B4GALT3: variants seen among roughly 807,000 people sequenced by gnomAD.
The protein encoded by B4GALT3 is N-acetyllactosamine synthase.
In B4GALT3, 29 loss-of-function variants were observed where a neutral mutation model predicts 40.7. The observed-to-expected ratio is 0.71, with a 90% CI of 0.53 to 0.97. B4GALT3 has a LOEUF of 0.97. Ranked by LOEUF, B4GALT3 falls within the 50% of genes least tolerant of loss-of-function variation. The pLI, the probability that B4GALT3 is intolerant of heterozygous loss-of-function variation, is 0.00. For synonymous variants in B4GALT3, 182 were observed against 203.9 expected (o/e 0.89, Z 0.92); for missense variants, 390 against 522.3 (o/e 0.75, Z 2.47).
Position 161,176,091 on chromosome 1 carries a change from G to T in B4GALT3, c.-14-17C>A. On this transcript the variant is annotated splice_polypyrimidine_tract_variant and intron_variant, in intron 2 of 7. Transcript: ENST00000319769. ...GGGTGAGATCTAGGGAGGGAGAGGG[G>T]AATTCTGGGGGTAGGCAGGAAGAGA... 6.2e-7 allele frequency: 1 copy of T among 1,610,820 alleles called. No homozygotes were observed. The highest frequency in any genetic ancestry group is 8.5e-7 in the Non-Finnish European group (1 of 1,177,642).
chr1:161,173,915 C>A lies in B4GALT3; in HGVS notation c.624G>T (p.Val208=). Residue 208 remains valine, a synonymous_variant, in exon 5 of 8, where the codon GTG becomes GTT. Transcript: ENST00000319769. ...CATGGCGGGGTCCCCGGGGGTCACA[C>A]ACATACAGATTGTGGTCATTTTCTG... The part of the protein sequence containing the change: ...LLPENDHNLY[V]CDPRGPRHVA... The A allele has an allele frequency of 6.2e-7, 1 of 1,614,196 alleles. No individual in the cohort carries two copies. The highest frequency in any genetic ancestry group is 8.5e-7 in the Non-Finnish European group (1 of 1,180,040).
Position 161,171,425 on chromosome 1 carries a change from AC to A in B4GALT3, c.*390del, listed in dbSNP as rs1025382633. Reference sequence around the variant, plus strand: ...AAATGCCCAGGGAGGGGCTTCCTTCACCAAACAACTTCCCGGGAACCATAAA... The same window carrying A: ...AAATGCCCAGGGAGGGGCTTCCTTCACAAACAACTTCCCGGGAACCATAAA... On this transcript the variant is annotated 3_prime_UTR_variant, in exon 8 of 8. Coordinates refer to ENST00000319769, the MANE Select transcript of B4GALT3 (RefSeq NM_003779.4). 3.1e-6 allele frequency: 2 copies of A among 641,292 alleles called. No homozygotes were observed. The highest frequency in any genetic ancestry group is 3.7e-5 in the African/African-American group (2 of 54,566). 39.7% of individuals were successfully genotyped at this position (641,292 alleles called of 1,614,324 possible).
intron 2 of B4GALT3, 144 bp from the exon 3 acceptor site, chr1:161,176,218 A>T: frequency 1.1e-6 from 1 of 885,852 alleles, no homozygotes; most frequent in Non-Finnish European, 1.7e-6. Context: ...ACAGGTGCAC[A>T]GTCACGCAAG....
At chr1:161,177,639 T>C (rs151221662), upstream of B4GALT3, 1 of 157,444 alleles carries the variant, frequency 6.4e-6, no homozygotes, top group Non-Finnish European at 1.4e-5. Context: ...TGGAACGCGT[T>C]GTAGGCGACC....
In B4GALT3 at chr1:161,176,559, C is replaced by A; in HGVS notation, c.-140G>T. 3 of 479,340 alleles carry A rather than the reference C, an allele frequency of 6.3e-6. No homozygotes were observed. Among genetic ancestry groups the A allele is most frequent in the Non-Finnish European group, 3.8e-6 (1 of 265,100 alleles). 29.7% of individuals were successfully genotyped at this position (479,340 alleles called of 1,614,324 possible). A position where few individuals can be genotyped will look rare whatever the true frequency, so the allele number is the denominator to read the frequency against. On this transcript the variant is annotated 5_prime_UTR_variant, in exon 2 of 8. Transcript: ENST00000319769. Reference sequence around the variant, plus strand: ...CAGAGAAAGGCTCCATCCAGCACTCCAGCAGCGAATCTGGGACCAGCTGGA... The same window carrying A: ...CAGAGAAAGGCTCCATCCAGCACTCAAGCAGCGAATCTGGGACCAGCTGGA...
intron 3 of B4GALT3, 80 bp downstream of exon 3, chr1:161,175,728 C>T: frequency 6.4e-7 from 1 of 1,564,014 alleles, no homozygotes; most frequent in Non-Finnish European, 8.7e-7. Flanking sequence ...ACTTCTGCCA[C>T]TCCATGCCTC....
intron 2 of B4GALT3, 35 bp from the exon 3 acceptor site, chr1:161,176,109 G>A (rs113495780): frequency 4.4e-6 from 7 of 1,607,244 alleles, no homozygotes; most frequent in African/African-American, 4.0e-5. Context: ...GGGGTAGGCA[G>A]GAAGAGAGCA....
At chr1:161,174,639 A>G (rs1002378203) in intron 4 of B4GALT3, among the ~76,000 whole-genome samples, 2 of 152,188 alleles carry the variant, frequency 1.3e-5, no homozygotes, top group Admixed American at 1.3e-4. Flanking sequence ...TATATTAGTT[A>G]TCTTATGCTC....
chr1:161,177,324 T>C (rs1664000846), intron 1 of B4GALT3, 99 bp downstream of exon 1: 1 of 528,524 alleles, frequency 1.9e-6, no homozygotes, highest in East Asian at 3.3e-5. Flanking sequence ...CCGTCCCTGC[T>C]CAGGCTCGTC....
Position 161,176,024 on chromosome 1 carries a change from C to A in B4GALT3, c.37G>T (p.Ala13Ser). The change falls in exon 3 of 8, where the codon GCC (alanine) becomes TCC (serine). Residue 13 changes from alanine to serine, a missense_variant. Physicochemically the swap from Ala to Ser is moderately conservative, Grantham distance 99. Around this residue, in one of 3 missense-constraint regions of B4GALT3, gnomAD observed 183 missense variants for 223.2 expected, o/e 0.82. Transcript: ENST00000319769. ...RRLLERPCTL[A>S]LLVGSQLAVM... ...GCCAGCTGGGAGCCCACAAGCAGGG[C>A]CAGCGTGCAAGGCCGCTCCAGCAGC... is the stretch of plus-strand genomic sequence containing the variant. The A allele has an allele frequency of 2.5e-6, 4 of 1,614,132 alleles. No individual in the cohort carries two copies. Among genetic ancestry groups the A allele is most frequent in the Non-Finnish European group, 3.4e-6 (4 of 1,180,026 alleles).
rs1661379690 is a variant in B4GALT3, at chr1:161,171,391, A to T, written c.*425T>A. Reference sequence around the variant, plus strand: ...GACCAGAAGAGGGAGCTATTCCAGCATAGGCAGAAAATGCCCAGGGAGGGG... The same window carrying T: ...GACCAGAAGAGGGAGCTATTCCAGCTTAGGCAGAAAATGCCCAGGGAGGGG... On this transcript the variant is annotated 3_prime_UTR_variant, in exon 8 of 8. Coordinates refer to ENST00000319769, the MANE Select transcript of B4GALT3 (RefSeq NM_003779.4). 2.5e-6 allele frequency: 2 copies of T among 811,378 alleles called. No homozygotes were observed. Among genetic ancestry groups the T allele is most frequent in the Non-Finnish European group, 3.8e-6 (2 of 523,926 alleles). The allele number at this position is 811,378 out of a possible 1,614,324, so 50.3% of individuals were successfully genotyped here.
intron 4 of B4GALT3, among the ~76,000 whole-genome samples, 172 bp from the exon 5 acceptor site, chr1:161,174,221 C>T (rs111611535): frequency 1.1e-3 from 174 of 152,208 alleles, no homozygotes; most frequent in African/African-American, 4.0e-3. Flanking sequence ...CCCTGGCTAA[C>T]ACGGTAAAAC....
Position 161,173,917 on chromosome 1 carries a change from C to T in B4GALT3, c.622G>A (p.Val208Met). The change falls in exon 5 of 8, where the codon GTG becomes ATG. Residue 208 changes from valine (V) to methionine (M), a missense_variant. Val to Met is a conservative substitution (Grantham distance 21). Transcript: ENST00000319769. The stretch of plus-strand genomic sequence containing the variant: ...TGGCGGGGTCCCCGGGGGTCACACA[C>T]ATACAGATTGTGGTCATTTTCTGGC... The part of the protein sequence containing the change: ...LLPENDHNLY[V>M]CDPRGPRHVA... The T allele has an allele frequency of 1.9e-6, 3 of 1,614,202 alleles. No homozygotes were observed. Among genetic ancestry groups the T allele is most frequent in the Non-Finnish European group, 2.5e-6 (3 of 1,180,036 alleles).
At chr1:161,176,811 G>A (rs999251836) in intron 1 of B4GALT3, 80 of 1,514,336 alleles carry the variant, frequency 5.3e-5, no homozygotes, top group Non-Finnish European at 7.1e-5. Context: ...TTGGGGAGTG[G>A]GGACAGGACA....
At position 161,171,681 on chromosome 1, in the gene B4GALT3, A is replaced by G. The variant is rs1661482630; in HGVS notation, c.*135T>C. 3 of 1,273,562 alleles carry G rather than the reference A, an allele frequency of 2.4e-6. No homozygotes were observed. The highest frequency in any genetic ancestry group is 2.2e-6 in the Non-Finnish European group (2 of 927,290). The allele number at this position is 1,273,562 out of a possible 1,614,324, so 78.9% of individuals were successfully genotyped here. ...CCCAGCTCCAGTCCAGCAGTGAGGGAGAGGCCCCTACCCCCTAGCACGGCA... is the reference window on the plus strand; with the variant it reads ...CCCAGCTCCAGTCCAGCAGTGAGGGGGAGGCCCCTACCCCCTAGCACGGCA... On this transcript the variant is annotated 3_prime_UTR_variant, in exon 8 of 8. Coordinates refer to ENST00000319769, the MANE Select transcript of B4GALT3 (RefSeq NM_003779.4).
rs375154840 is a variant in B4GALT3, at chr1:161,177,141, G to C, written c.-161+282C>G. ...AAGGGAGAGGGAGAGCAGGGGCAGA[G>C]ACAGTCAGGGGTGGCTGGAAGGGCT... On this transcript the variant is annotated intron_variant, in intron 1 of 7. Coordinates refer to ENST00000319769, the MANE Select transcript of B4GALT3 (RefSeq NM_003779.4). 2.8e-4 allele frequency: 406 copies of C among 1,456,258 alleles called. 5 individuals carry two copies. The South Asian group carries it at 4.8e-3, about 17-fold the overall frequency. 90.2% of individuals were successfully genotyped at this position (1,456,258 alleles called of 1,614,324 possible). A position where few individuals can be genotyped will look rare whatever the true frequency, so the allele number is the denominator to read the frequency against.
intron 2 of B4GALT3, 166 bp from the exon 3 acceptor site, chr1:161,176,240 T>TA (rs1174522979): frequency 2.7e-6 from 2 of 731,388 alleles, no homozygotes; most frequent in Non-Finnish European, 4.4e-6. Context: ...AAACAGAATG[T>TA]AACCACCAGT....
At chr1:161,174,276 A>G (rs1209727055) in intron 4 of B4GALT3, among the ~76,000 whole-genome samples, 2 of 152,094 alleles carry the variant, frequency 1.3e-5, no homozygotes, top group African/African-American at 4.8e-5. Context: ...GCATGGTGGT[A>G]CACGCCTGTA....
At chr1:161,173,515 G>A (rs762050694) in intron 6 of B4GALT3, 90 bp downstream of exon 6, 1 of 1,578,502 alleles carries the variant, frequency 6.3e-7, no homozygotes, top group Non-Finnish European at 8.7e-7. Context: ...GGAGCTAAAG[G>A]TTAGTGTTGA....
Sources: gnomAD v4.1 joint callset for allele counts (sites outside exome capture counted in the v4.1 genomes callset) on GRCh38, gnomAD v4.1.1 for gene constraint, gnomAD v4.1.1 regional missense constraint, MANE v1.5 for transcripts, NCBI Gene and HGNC (gene_info 2026-07-23, HGNC 2026-07-21) for gene names.